The following JARID2 variants were observed in gnomAD, a reference collection of about 807,000 sequenced individuals.
JARID2 encodes jumonji and AT-rich interaction domain containing 2, also known as protein Jumonji.
JARID2 carries 21 observed loss-of-function variants against 125.6 expected under a neutral mutation model. That is an observed-to-expected ratio of 0.17 (90% CI 0.12 to 0.24). The LOEUF is 0.24. Among genes scored for constraint, JARID2 ranks in the 10% least tolerant of loss-of-function variants. JARID2 has a pLI of 1.00. For missense variants in JARID2, 1,303 were observed against 1,639.6 expected (o/e 0.79, Z 3.55); for synonymous variants, 736 against 661.6 (o/e 1.11, Z -1.73).
chr6:15,369,313 TA>T (rs549926447), intron 1 of JARID2: 54 of 464,820 alleles, frequency 1.2e-4, no homozygotes, highest in Non-Finnish European at 1.3e-4. Flanking sequence ...GTAAATTTTG[TA>T]AAAAAAATTA....
At chr6:15,299,134 C>T (rs557168576) in intron 1 of JARID2, among the ~76,000 whole-genome samples, 1 of 152,144 alleles carries the variant, frequency 6.6e-6, no homozygotes, top group Admixed American at 6.5e-5. Flanking sequence ...CGACATTTGT[C>T]AAACTTCACT....
intron 2 of JARID2, among the ~76,000 whole-genome samples, chr6:15,408,276 T>C (rs1263492358): frequency 6.6e-6 from 1 of 152,194 alleles, no homozygotes; most frequent in Non-Finnish European, 1.5e-5. Flanking sequence ...AAATTTGAAC[T>C]CCACCAAGAC....
intron 5 of JARID2, among the ~76,000 whole-genome samples, chr6:15,486,524 T>C (rs919776067): frequency 2.6e-5 from 4 of 152,366 alleles, no homozygotes; most frequent in Middle Eastern, 3.4e-3. Flanking sequence ...CATCTGTAAG[T>C]GTCCTGTCCA....
At chr6:15,399,541 A>G (rs776010356) in intron 2 of JARID2, among the ~76,000 whole-genome samples, 13 of 152,308 alleles carry the variant, frequency 8.5e-5, no homozygotes, top group Non-Finnish European at 1.8e-4. Context: ...TTATGTTTAT[A>G]TATTTTTGAT....
intron 3 of JARID2, among the ~76,000 whole-genome samples, chr6:15,411,411 G>A (rs539131721): frequency 3.3e-5 from 5 of 152,284 alleles, no homozygotes; most frequent in Admixed American, 1.3e-4. Flanking sequence ...TGAGGGTGTC[G>A]TCTTTTAAAT....
At chr6:15,305,463 C>G (rs1761786318) in intron 1 of JARID2, among the ~76,000 whole-genome samples, 2 of 152,174 alleles carry the variant, frequency 1.3e-5, no homozygotes, top group South Asian at 2.1e-4. Flanking sequence ...ATTTCATTCC[C>G]CATCCTCCTC....
intron 4 of JARID2, among the ~76,000 whole-genome samples, chr6:15,457,023 C>A (rs1768213780): frequency 1.3e-5 from 2 of 151,762 alleles, no homozygotes; most frequent in Admixed American, 1.3e-4. Flanking sequence ...CTGTTAATTA[C>A]CTTGTTTGTG....
At chr6:15,454,353 A>G (rs1249342328) in intron 4 of JARID2, among the ~76,000 whole-genome samples, 1 of 152,172 alleles carries the variant, frequency 6.6e-6, no homozygotes, top group Non-Finnish European at 1.5e-5. Context: ...ATAAGAAAGG[A>G]GAGTTATTAA....
At chr6:15,370,478 C>G (rs562675161) in intron 1 of JARID2, among the ~76,000 whole-genome samples, 1 of 152,134 alleles carries the variant, frequency 6.6e-6, no homozygotes, top group Non-Finnish European at 1.5e-5. Flanking sequence ...GCTGGTACTA[C>G]AGGCGCCCGC....
At chr6:15,476,211 A>G (rs1769334968) in intron 5 of JARID2, among the ~76,000 whole-genome samples, 1 of 152,212 alleles carries the variant, frequency 6.6e-6, no homozygotes, top group African/African-American at 2.4e-5. Flanking sequence ...CAATATTTTA[A>G]TTAGGCCACA....
chr6:15,276,213 G>A (rs1760495106), intron 1 of JARID2, among the ~76,000 whole-genome samples: 1 of 152,162 alleles, frequency 6.6e-6, no homozygotes, highest in Non-Finnish European at 1.5e-5. Flanking sequence ...TTAATTTTGT[G>A]TTAGTGCCTC....
At chr6:15,394,936 T>C (rs1331400497) in intron 2 of JARID2, among the ~76,000 whole-genome samples, 1 of 41,832 alleles carries the variant, frequency 2.4e-5, no homozygotes, top group Non-Finnish European at 4.3e-5. Context: ...CGTAGAATAA[T>C]TCCTTTTTTT....
intron 1 of JARID2, among the ~76,000 whole-genome samples, chr6:15,300,188 G>C (rs773189532): frequency 6.6e-6 from 1 of 152,204 alleles, no homozygotes; most frequent in Non-Finnish European, 1.5e-5. Flanking sequence ...ATTTTCCGCA[G>C]TGAAGGTTGG....
Position 15,517,240 on chromosome 6 carries a change from G to C in JARID2, c.3530G>C (p.Gly1177Ala). 6.2e-7 allele frequency: 1 copy of C among 1,613,938 alleles called. No homozygotes were observed. The highest frequency in any genetic ancestry group is 8.5e-7 in the Non-Finnish European group (1 of 1,179,834). ...RHVEKQKSCR[G>A]LKLMYRYDEE... ...GTGGAGAAACAGAAGTCCTGCCGAG[G>C]GCTGAAGTTGATGTACCGCTACGAT... The change falls in exon 17 of 18, where the codon GGG (glycine) becomes GCG (alanine). Residue 1177 changes from glycine (G) to alanine (A), a missense_variant. Transcript: ENST00000341776.
intron 2 of JARID2, among the ~76,000 whole-genome samples, chr6:15,384,161 C>T (rs533886417): frequency 4.6e-5 from 7 of 151,986 alleles, no homozygotes; most frequent in East Asian, 1.9e-4. Context: ...TGCACTGGGT[C>T]GACCACAGCT....
At chr6:15,360,538 A>G (rs891343404) in intron 1 of JARID2, among the ~76,000 whole-genome samples, 19 of 152,152 alleles carry the variant, frequency 1.2e-4, no homozygotes, top group Admixed American at 8.5e-4. Flanking sequence ...ACTGGAGTAT[A>G]GTGGCTCAAT....
chr6:15,344,631 A>G (rs771891029), intron 1 of JARID2, among the ~76,000 whole-genome samples: 58 of 152,004 alleles, frequency 3.8e-4, no homozygotes, highest in Non-Finnish European at 4.3e-4. Flanking sequence ...CAAATGATCT[A>G]TGACTATTTC....
intron 12 of JARID2, chr6:15,509,398 G>A (rs1210561181): frequency 1.1e-5 from 11 of 981,226 alleles, no homozygotes; most frequent in Non-Finnish European, 1.2e-5. Flanking sequence ...TGGAGCCAGC[G>A]TCGGCTGCAG....
chr6:15,327,898 C>T (rs1389735708), intron 1 of JARID2, among the ~76,000 whole-genome samples: 1 of 152,094 alleles, frequency 6.6e-6, no homozygotes, highest in South Asian at 2.1e-4. Flanking sequence ...ATGCATTTTC[C>T]GTGTTGGAGT....
Sources: gnomAD v4.1 joint callset for allele counts (sites outside exome capture counted in the v4.1 genomes callset) on GRCh38, gnomAD v4.1.1 for gene constraint, MANE v1.5 for transcripts, NCBI Gene and HGNC (gene_info 2026-07-23, HGNC 2026-07-21) for gene names.